Variants in GPM6A observed in about 807,000 individuals in gnomAD.
GPM6A encodes the protein neuronal membrane glycoprotein M6-a.
GPM6A carries 7 observed loss-of-function variants against 32.1 expected under a neutral mutation model. The ratio of observed to expected loss-of-function variants is 0.22; its 90% confidence interval spans 0.12 to 0.41. The LOEUF (loss-of-function observed/expected upper bound fraction) is 0.41. Among genes scored for constraint, GPM6A ranks in the 10% least tolerant of loss-of-function variants. The pLI, the probability that GPM6A is intolerant of heterozygous loss-of-function variation, is 1.00. For missense variants in GPM6A, 235 were observed against 347.2 expected (o/e 0.68, Z 2.57); for synonymous variants, 130 against 123.4 (o/e 1.05, Z -0.35).
intron 5 of GPM6A, 105 bp downstream of exon 5, chr4:175,640,648 G>T: frequency 1.3e-6 from 1 of 791,464 alleles, no homozygotes; most frequent in Non-Finnish European, 2.1e-6. Context: ...GCCTCTGATA[G>T]AATAAAGGGA....
intron 4 of GPM6A, among the ~76,000 whole-genome samples, chr4:175,649,861 A>T (rs1179302335): frequency 6.6e-6 from 1 of 152,156 alleles, no homozygotes; most frequent in Non-Finnish European, 1.5e-5. Flanking sequence ...TTCATCTGAC[A>T]CTCAAATTTA....
intron 3 of GPM6A, 57 bp from the exon 4 acceptor site, chr4:175,652,044 T>C: frequency 7.1e-7 from 1 of 1,400,912 alleles, no homozygotes. Context: ...AAGAAGAATT[T>C]TGTGTTTAAT....
chr4:175,851,463 T>C (rs1464976184), intron 1 of GPM6A, among the ~76,000 whole-genome samples: 2 of 140,192 alleles, frequency 1.4e-5, no homozygotes, highest in Non-Finnish European at 3.0e-5. Flanking sequence ...CCAGCCCGGG[T>C]GACAGGGTGA....
intron 1 of GPM6A, among the ~76,000 whole-genome samples, chr4:175,978,839 G>A (rs1740739692): frequency 6.6e-6 from 1 of 152,102 alleles, no homozygotes; most frequent in Non-Finnish European, 1.5e-5. Context: ...TGATGCATTA[G>A]TGAGAGTTAA....
intron 1 of GPM6A, among the ~76,000 whole-genome samples, chr4:175,707,765 T>A (rs939922579): frequency 1.3e-5 from 2 of 152,222 alleles, no homozygotes; most frequent in Non-Finnish European, 2.9e-5. Flanking sequence ...TTATCGATAC[T>A]TATGCTTTTA....
intron 3 of GPM6A, among the ~76,000 whole-genome samples, chr4:175,665,502 C>T (rs1742697232): frequency 6.6e-6 from 1 of 152,034 alleles, no homozygotes; most frequent in South Asian, 2.1e-4. Flanking sequence ...CATTGGACGG[C>T]CGTGGTGGTG....
chr4:175,656,120 A>G (rs1742070370), intron 3 of GPM6A, among the ~76,000 whole-genome samples: 1 of 152,086 alleles, frequency 6.6e-6, no homozygotes, highest in African/African-American at 2.4e-5. Context: ...TTTGGTCATT[A>G]TTTAGGATCA....
chr4:175,936,014 A>T (rs1304704479), intron 1 of GPM6A, among the ~76,000 whole-genome samples: 7 of 151,826 alleles, frequency 4.6e-5, no homozygotes, highest in Non-Finnish European at 1.0e-4. Flanking sequence ...AATAAAAAAA[A>T]TTAAAAAACG....
At chr4:175,890,008 C>T (rs1224749465) in intron 1 of GPM6A, among the ~76,000 whole-genome samples, 1 of 152,106 alleles carries the variant, frequency 6.6e-6, no homozygotes. Context: ...ATAATATAAA[C>T]AAGCCATGCA....
intron 1 of GPM6A, among the ~76,000 whole-genome samples, chr4:175,972,804 T>C (rs1740547963): frequency 6.6e-6 from 1 of 152,200 alleles, no homozygotes; most frequent in Non-Finnish European, 1.5e-5. Context: ...AAGGGAAAAT[T>C]AGTTACTGTC....
At chr4:175,991,075 C>CT (rs36032066) in intron 1 of GPM6A, among the ~76,000 whole-genome samples, 8,818 of 140,082 alleles carry the variant, frequency 0.063, 419 homozygotes, top group African/African-American at 0.14. Flanking sequence ...ATCTTTCTTT[C>CT]TTTTTTTTTT....
chr4:175,702,517 T>G (rs545458649), intron 1 of GPM6A, among the ~76,000 whole-genome samples: 1 of 151,972 alleles, frequency 6.6e-6, no homozygotes, highest in Non-Finnish European at 1.5e-5. Flanking sequence ...TAGTGAACTG[T>G]TTTCTTTCCT....
At chr4:175,869,462 AAAC>A (rs1736837198) in intron 1 of GPM6A, among the ~76,000 whole-genome samples, 1 of 152,164 alleles carries the variant, frequency 6.6e-6, no homozygotes, top group Admixed American at 6.5e-5. Context: ...ATTTAAAAAA[AAAC>A]AACAAAACTA....
At chr4:175,862,667 A>G (rs968867474) in intron 1 of GPM6A, among the ~76,000 whole-genome samples, 12 of 152,172 alleles carry the variant, frequency 7.9e-5, no homozygotes, top group African/African-American at 2.6e-4. Context: ...TTAGTAACCA[A>G]TCTAAATCCC....
At chr4:175,964,554 TCTC>T in intron 1 of GPM6A, among the ~76,000 whole-genome samples, 1 of 152,330 alleles carries the variant, frequency 6.6e-6, no homozygotes, top group East Asian at 1.9e-4. Context: ...GCCACTTTCT[TCTC>T]TTTGTATCGT....
chr4:175,707,634 A>G (rs770679359), intron 1 of GPM6A, among the ~76,000 whole-genome samples: 1 of 151,008 alleles, frequency 6.6e-6, no homozygotes, highest in Non-Finnish European at 1.5e-5. Context: ...TTTGGGCTTT[A>G]TTTCTTTTTT....
In GPM6A at chr4:175,994,666, C is replaced by CA. The variant is rs555619993; in HGVS notation, c.-23+7642dup. 4.6e-5 allele frequency among the ~76,000 whole-genome samples: 7 copies of CA among 152,268 alleles called. No homozygotes were observed. In the East Asian group the frequency reaches 1.4e-3, roughly 29 times the overall value. ...TCCCTGTTGACGGCTGCTGACTGAT[C>CA]AGGGTGGTGGTTGCTGAAGGTGGTT... On this transcript the variant is annotated intron_variant, in intron 1 of 7. Coordinates refer to the GPM6A transcript ENST00000280187.
intron 1 of GPM6A, among the ~76,000 whole-genome samples, chr4:175,926,849 T>C (rs6848112): frequency 0.82 from 124,152 of 152,142 alleles, 51,697 homozygotes; most frequent in Non-Finnish European, 0.9. Context: ...ATAAAATAAA[T>C]TGAACGTAGA....
At chr4:175,997,334 CTT>C (rs369790189) in intron 1 of GPM6A, among the ~76,000 whole-genome samples, 6 of 152,282 alleles carry the variant, frequency 3.9e-5, no homozygotes, top group African/African-American at 1.4e-4. Flanking sequence ...TCTTATCAGA[CTT>C]TGTGATTTTC....
Sources: allele counts gnomAD v4.1 joint callset (sites outside exome capture counted in the v4.1 genomes callset), GRCh38; gene constraint gnomAD v4.1.1; transcripts MANE v1.5; gene names NCBI Gene and HGNC (gene_info 2026-07-23, HGNC 2026-07-21).